The following KCNQ3 variants were observed in gnomAD, a reference collection of about 807,000 sequenced individuals.
The protein encoded by KCNQ3 is potassium voltage-gated channel subfamily KQT member 3.
Under a neutral mutation model 92.5 loss-of-function variants are expected in KCNQ3, and 30 were observed. The observed-to-expected ratio is 0.32, with a 90% CI of 0.24 to 0.44. The LOEUF (loss-of-function observed/expected upper bound fraction) is 0.44, where lower values mean the gene tolerates loss of function less well. Among genes scored for constraint, KCNQ3 ranks in the 20% least tolerant of loss-of-function variants. The pLI is 1.00. For synonymous variants in KCNQ3, 450 were observed against 468.8 expected (o/e 0.96, Z 0.52); for missense variants, 913 against 1,140.3 (o/e 0.80, Z 2.87).
chr8:132,362,624 G>A (rs888351226), intron 1 of KCNQ3, among the ~76,000 whole-genome samples: 3 of 152,184 alleles, frequency 2.0e-5, no homozygotes, highest in African/African-American at 7.2e-5. Context: ...TGCTGAACGG[G>A]AAGTCACCAA....
intron 1 of KCNQ3, among the ~76,000 whole-genome samples, chr8:132,221,819 G>T (rs1480584230): frequency 8.5e-5 from 13 of 152,146 alleles, no homozygotes; most frequent in Non-Finnish European, 1.5e-5. Flanking sequence ...ATGGGGAAAG[G>T]ATCCCCTATT....
chr8:132,243,281 T>C (rs1452377311), intron 1 of KCNQ3, among the ~76,000 whole-genome samples: 1 of 152,200 alleles, frequency 6.6e-6, no homozygotes, highest in African/African-American at 2.4e-5. Context: ...GGATTTGGAT[T>C]CCCACATGTG....
intron 1 of KCNQ3, among the ~76,000 whole-genome samples, chr8:132,439,717 G>A (rs1036632807): frequency 1.3e-5 from 2 of 152,138 alleles, no homozygotes; most frequent in Non-Finnish European, 2.9e-5. Flanking sequence ...AATGCAGGTA[G>A]CCTCAAAAGC....
Position 132,241,529 on chromosome 8 carries a change from C to T in KCNQ3, c.387-55348G>A, listed in dbSNP as rs538318202. On this transcript the variant is annotated intron_variant, in intron 1 of 14. Coordinates refer to ENST00000388996, the MANE Select transcript of KCNQ3 (RefSeq NM_004519.4). ...GTTATTATTATCTATTGCCTACTTT[C>T]GTCCTTAGAAAAACACTCATTGGGC... 2.0e-3 allele frequency among the ~76,000 whole-genome samples: 304 copies of T among 151,754 alleles called. 3 individuals carry two copies. The highest frequency in any genetic ancestry group is 7.1e-3 in the African/African-American group (292 of 41,396).
At chr8:132,335,326 A>G (rs2130671445) in intron 1 of KCNQ3, among the ~76,000 whole-genome samples, 1 of 152,248 alleles carries the variant, frequency 6.6e-6, no homozygotes, top group African/African-American at 2.4e-5. Context: ...GGTGTGAGTC[A>G]CCGCGCCCAG....
At chr8:132,478,813 C>T (rs576412310) in intron 1 of KCNQ3, among the ~76,000 whole-genome samples, 15 of 152,238 alleles carry the variant, frequency 9.9e-5, no homozygotes, top group African/African-American at 3.6e-4. Flanking sequence ...TGTGTGGACG[C>T]CCCCACCTGG....
At chr8:132,228,834 C>CAGAGCTTAA (rs1814527426) in intron 1 of KCNQ3, among the ~76,000 whole-genome samples, 1 of 151,782 alleles carries the variant, frequency 6.6e-6, no homozygotes, top group African/African-American at 2.4e-5. Flanking sequence ...AGATGAAGGC[C>CAGAGCTTAA]AGAGCTTAAA....
At chr8:132,137,826 A>G in intron 12 of KCNQ3, 59 bp downstream of exon 12, 1 of 1,594,244 alleles carries the variant, frequency 6.3e-7, no homozygotes, top group Non-Finnish European at 8.6e-7. Context: ...CTCACCTTAA[A>G]CTCTAAGGTT....
At chr8:132,270,054 G>A (rs560800993) in intron 1 of KCNQ3, among the ~76,000 whole-genome samples, 3 of 152,030 alleles carry the variant, frequency 2.0e-5, no homozygotes, top group South Asian at 2.1e-4. Flanking sequence ...CTGTGGGAAC[G>A]GCTTTCTCTA....
chr8:132,237,361 A>G (rs35587315), intron 1 of KCNQ3, among the ~76,000 whole-genome samples: 87,334 of 151,592 alleles, frequency 0.58, 25,829 homozygotes, highest in East Asian at 0.77. Flanking sequence ...TGTGCATATA[A>G]TATGTCAGTT....
intron 4 of KCNQ3, among the ~76,000 whole-genome samples, chr8:132,178,769 ACAGGTGG>A (rs1826652429): frequency 6.6e-6 from 1 of 151,898 alleles, no homozygotes; most frequent in Non-Finnish European, 1.5e-5. Flanking sequence ...CTGTCCAGCT[ACAGGTGG>A]CATGGTCACG....
At chr8:132,431,662 C>A (rs1266816880) in intron 1 of KCNQ3, among the ~76,000 whole-genome samples, 1 of 152,232 alleles carries the variant, frequency 6.6e-6, no homozygotes, top group Non-Finnish European at 1.5e-5. Flanking sequence ...GGCTCCAGGG[C>A]CCCCAGACTG....
intron 1 of KCNQ3, among the ~76,000 whole-genome samples, chr8:132,430,062 G>A (rs1446211599): frequency 1.3e-5 from 2 of 152,048 alleles, no homozygotes; most frequent in African/African-American, 4.8e-5. Flanking sequence ...GAGGCCTAGG[G>A]GTTGCCCTTT....
chr8:132,381,738 C>G (rs908455848), intron 1 of KCNQ3, among the ~76,000 whole-genome samples: 5 of 152,212 alleles, frequency 3.3e-5, no homozygotes, highest in Admixed American at 2.0e-4. Context: ...AGGAGCAAAA[C>G]ACCCCCAAAC....
chr8:132,252,414 C>T (rs1361681096), intron 1 of KCNQ3, among the ~76,000 whole-genome samples: 7 of 152,100 alleles, frequency 4.6e-5, no homozygotes, highest in Non-Finnish European at 7.4e-5. Context: ...TTGTTCCTCC[C>T]GGTGGGTTCA....
chr8:132,131,412 C>T (rs1185551268), intron 14 of KCNQ3, among the ~76,000 whole-genome samples: 1 of 152,158 alleles, frequency 6.6e-6, no homozygotes, highest in Non-Finnish European at 1.5e-5. Flanking sequence ...TCTCTTTCCA[C>T]CTTGAATGGA....
intron 7 of KCNQ3, among the ~76,000 whole-genome samples, 165 bp downstream of exon 7, chr8:132,172,433 C>G (rs964281427): frequency 8.6e-5 from 13 of 150,812 alleles, no homozygotes; most frequent in African/African-American, 3.2e-4. Context: ...CACACACACA[C>G]ACAGACACAC....
At chr8:132,155,134 C>G (rs1825763112) in intron 9 of KCNQ3, among the ~76,000 whole-genome samples, 1 of 152,164 alleles carries the variant, frequency 6.6e-6, no homozygotes, top group African/African-American at 2.4e-5. Context: ...TCCCTGCCAG[C>G]ACCCCCGACA....
chr8:132,129,197 G>GT lies in KCNQ3; in HGVS notation c.*64dup, dbSNP rs1055486789. On this transcript the variant is annotated 3_prime_UTR_variant, in exon 15 of 15. Transcript: ENST00000388996. The surrounding 1 kb of genome is among the most constrained non-coding windows in gnomAD (Gnocchi z 5.9). ...GTGTCCCCGCTGGTAAGCGTCGGGT[G>GT]TAAGAGTAAGTGAACTATACAAAGT... 8 of 1,575,896 alleles carry GT rather than the reference G, an allele frequency of 5.1e-6. No homozygotes were observed. The African/African-American group carries it at 9.4e-5, about 19-fold the overall frequency.
Sources: allele counts gnomAD v4.1 joint callset (sites outside exome capture counted in the v4.1 genomes callset), GRCh38; gene constraint gnomAD v4.1.1; non-coding constraint Gnocchi (gnomAD v3.1); transcripts MANE v1.5; gene names NCBI Gene and HGNC (gene_info 2026-07-23, HGNC 2026-07-21).